The following PHF3 variants were observed in gnomAD, a reference collection of about 807,000 sequenced individuals.
PHF3 encodes PHD finger protein 3.
PHF3 carries 41 observed loss-of-function variants against 178.4 expected under a neutral mutation model. The observed-to-expected ratio is 0.23, with a 90% CI of 0.18 to 0.30. PHF3 has a LOEUF of 0.30. Among genes scored for constraint, PHF3 ranks in the 10% least tolerant of loss-of-function variants. PHF3 has a pLI of 1.00. For missense variants in PHF3, 2,346 were observed against 2,398.1 expected (o/e 0.98, Z 0.45); for synonymous variants, 842 against 800.5 (o/e 1.05, Z -0.88).
chr6:63,704,635 C>T (rs1326776642), intron 11 of PHF3, among the ~76,000 whole-genome samples: 2 of 151,762 alleles, frequency 1.3e-5, no homozygotes, highest in Non-Finnish European at 2.9e-5. Flanking sequence ...ATAGTTTTTC[C>T]ATTCACTTAA....
In PHF3 at chr6:63,715,422, A is replaced by G. The variant is rs1200420928; in HGVS notation, c.*1714A>G. 6.6e-6 allele frequency: 1 copy of G among 152,182 alleles called. No individual in the cohort carries two copies. The allele number at this position is 152,182 out of a possible 1,614,324, so 9.4% of individuals were successfully genotyped here. A position where few individuals can be genotyped will look rare whatever the true frequency, so the allele number is the denominator to read the frequency against. On this transcript the variant is annotated 3_prime_UTR_variant, in exon 16 of 16. Transcript: ENST00000262043. ...AGAAATTGCTGTCAGGGTTTTACAC[A>G]TTTTAAAAACATTTCAATTTCAAAT...
chr6:63,670,746 G>T (rs1765880250), intron 2 of PHF3, among the ~76,000 whole-genome samples: 1 of 152,126 alleles, frequency 6.6e-6, no homozygotes, highest in African/African-American at 2.4e-5. Flanking sequence ...AATATTTTAT[G>T]TTCCAGCTGC....
At chr6:63,708,504 G>A (rs1767790105) in intron 13 of PHF3, among the ~76,000 whole-genome samples, 1 of 151,790 alleles carries the variant, frequency 6.6e-6, no homozygotes, top group Admixed American at 6.6e-5. Flanking sequence ...ATATTTTAAA[G>A]TAGTTAATAA....
At chr6:63,669,577 C>G (rs1327071842) in intron 2 of PHF3, among the ~76,000 whole-genome samples, 1 of 152,144 alleles carries the variant, frequency 6.6e-6, no homozygotes, top group Non-Finnish European at 1.5e-5. Flanking sequence ...AGGGACTACA[C>G]TCTTAAAAAG....
chr6:63,651,757 G>C (rs991522565), intron 2 of PHF3, among the ~76,000 whole-genome samples: 2 of 152,036 alleles, frequency 1.3e-5, no homozygotes, highest in South Asian at 2.1e-4. Context: ...CTGTCTACTT[G>C]TGTGAGCTCA....
rs1250778067 is a variant in PHF3 at position 63,721,042 on chromosome 6, A to G, written c.*7334A>G. The G allele has an allele frequency of 6.4e-7, 1 of 1,551,372 alleles. No individual in the cohort carries two copies. The highest frequency in any genetic ancestry group is 2.4e-5 in the East Asian group (1 of 40,904). On this transcript the variant is annotated 3_prime_UTR_variant, in exon 16 of 16. Coordinates refer to ENST00000262043, the MANE Select transcript of PHF3 (RefSeq NM_001370348.2). ...TCTTCATTTTGAGCTATTCCCATCC[A>G]TACAATTAGACCTTCTGTTTTAGTG...
In PHF3 at chr6:63,685,831, T is replaced by G. The variant is rs745516053; in HGVS notation, c.2109T>G (p.Asp703Glu). ...NIATIRREGS[D>E]HSSSFESKYM... ...CTACCATAAGAAGAGAAGGCTCTGA[T>G]CATAGCTCCTCATTTGAAAGCAAAT... Residue 703 changes from aspartate (D) to glutamate (E), a missense_variant, in exon 4 of 16, where the codon GAT (aspartate) becomes GAG (glutamate). Asp to Glu is a conservative substitution (Grantham distance 45). Transcript: ENST00000262043. 1 of 1,613,714 alleles carries G rather than the reference T, an allele frequency of 6.2e-7. No homozygotes were observed. Among genetic ancestry groups the G allele is most frequent in the Admixed American group, 1.7e-5 (1 of 60,026 alleles).
intron 2 of PHF3, among the ~76,000 whole-genome samples, chr6:63,668,370 A>G (rs1371715218): frequency 2.0e-5 from 3 of 151,936 alleles, no homozygotes; most frequent in African/African-American, 7.3e-5. Flanking sequence ...CAGGCTCTCT[A>G]TTGCCCAGGC....
intron 8 of PHF3, among the ~76,000 whole-genome samples, chr6:63,699,779 C>T (rs1582103019): frequency 6.6e-6 from 1 of 151,936 alleles, no homozygotes; most frequent in African/African-American, 2.4e-5. Context: ...TTAGTAGAGA[C>T]GGGGTTTCAC....
intron 4 of PHF3, among the ~76,000 whole-genome samples, chr6:63,691,312 C>A (rs9444099): frequency 0.013 from 1,944 of 152,174 alleles, 40 homozygotes; most frequent in African/African-American, 0.045. Context: ...TGTGATGTCA[C>A]GTCTGTGGTG....
chr6:63,718,161 G>A lies in PHF3; in HGVS notation c.*4453G>A, dbSNP rs546089429. On this transcript the variant is annotated 3_prime_UTR_variant, in exon 16 of 16. Coordinates refer to ENST00000262043, the MANE Select transcript of PHF3 (RefSeq NM_001370348.2). ...ATAGGAGAAAAGGCAGCAGTTTTCA[G>A]TTCTTAAATATTGTCTGCCTATTCT... 7.8e-4 allele frequency among the ~76,000 whole-genome samples: 118 copies of A among 152,118 alleles called. No individual in the cohort carries two copies. The highest frequency in any genetic ancestry group is 1.4e-3 in the Non-Finnish European group (97 of 67,930).
At position 63,715,461 on chromosome 6, in the gene PHF3, A is replaced by G. The variant is rs1026928993; in HGVS notation, c.*1753A>G. The G allele has an allele frequency of 2.6e-5, 4 of 152,190 alleles. No homozygotes were observed. The South Asian group carries it at 8.3e-4, about 31-fold the overall frequency. The allele number at this position is 152,190 out of a possible 1,614,324, so 9.4% of individuals were successfully genotyped here. A position where few individuals can be genotyped will look rare whatever the true frequency, so the allele number is the denominator to read the frequency against. ...TCAATTTCAAATGTGTATATCGTCA[A>G]TAAATCTACCTTTACTGATATATCT... On this transcript the variant is annotated 3_prime_UTR_variant, in exon 16 of 16. Coordinates refer to ENST00000262043, the MANE Select transcript of PHF3 (RefSeq NM_001370348.2).
chr6:63,678,593 T>G (rs1347657419), intron 2 of PHF3, among the ~76,000 whole-genome samples: 4 of 152,154 alleles, frequency 2.6e-5, no homozygotes, highest in Non-Finnish European at 5.9e-5. Context: ...CTTTTTTTTT[T>G]TTCTATCTAA....
At chr6:63,659,005 A>C (rs1410944502) in intron 2 of PHF3, among the ~76,000 whole-genome samples, 1 of 152,084 alleles carries the variant, frequency 6.6e-6, no homozygotes, top group Non-Finnish European at 1.5e-5. Flanking sequence ...CATATTGTGG[A>C]GAGTAATCTT....
chr6:63,664,041 GT>G (rs1765578011), intron 2 of PHF3, among the ~76,000 whole-genome samples: 1 of 152,114 alleles, frequency 6.6e-6, no homozygotes, highest in African/African-American at 2.4e-5. Flanking sequence ...GGGTAACCAT[GT>G]ACCCAGCTAA....
rs113309637 is a variant in PHF3 at position 63,713,515 on chromosome 6, A to G, written c.5927A>G (p.His1976Arg). 6.8e-4 allele frequency: 1,093 copies of G among 1,613,708 alleles called. No homozygotes were observed. Among genetic ancestry groups the G allele is most frequent in the Non-Finnish European group, 8.6e-4 (1,017 of 1,179,934 alleles). ...GATAAAGAGAGGGCACGGTTATCAC[A>G]TGGTGATCGAGGAACAGATGGAAAA... ...HKDKERARLSHGDRGTDGKAS... is the reference protein window; with the variant it reads ...HKDKERARLSRGDRGTDGKAS... Residue 1976 changes from histidine to arginine, a missense_variant, in exon 16 of 16, where the codon CAT becomes CGT. By Grantham distance (29) the His-to-Arg change is conservative (BLOSUM62 0). This residue lies in a region of PHF3 where 839 missense variants were observed against 806.9 expected (regional missense o/e 1.04). Coordinates refer to ENST00000262043, the MANE Select transcript of PHF3 (RefSeq NM_001370348.2).
chr6:63,648,423 AC>A (rs1423212299), intron 2 of PHF3, among the ~76,000 whole-genome samples: 1 of 152,136 alleles, frequency 6.6e-6, no homozygotes, highest in Non-Finnish European at 1.5e-5. Flanking sequence ...AACTCCAGTT[AC>A]CTTCAAGGGT....
intron 2 of PHF3, among the ~76,000 whole-genome samples, chr6:63,669,822 A>C (rs1765832520): frequency 6.6e-6 from 1 of 152,204 alleles, no homozygotes; most frequent in African/African-American, 2.4e-5. Flanking sequence ...GAATGGAGCA[A>C]GATACATTTT....
intron 1 of PHF3, among the ~76,000 whole-genome samples, chr6:63,644,256 A>T (rs1764689530): frequency 6.6e-6 from 1 of 152,196 alleles, no homozygotes; most frequent in Admixed American, 6.5e-5. Context: ...TCTGAAGAGG[A>T]GGTGGCTTTG....
Sources: gnomAD v4.1 joint callset for allele counts (sites outside exome capture counted in the v4.1 genomes callset) on GRCh38, gnomAD v4.1.1 for gene constraint, gnomAD v4.1.1 regional missense constraint, MANE v1.5 for transcripts, NCBI Gene and HGNC (gene_info 2026-07-23, HGNC 2026-07-21) for gene names.